Variants in CEP162 observed in about 807,000 individuals in gnomAD.
CEP162 encodes the protein centrosomal protein 162.
CEP162 carries 141 observed loss-of-function variants against 169.2 expected under a neutral mutation model. The ratio of observed to expected loss-of-function variants is 0.83; its 90% CI spans 0.73 to 0.96. CEP162 has a LOEUF of 0.96. CEP162 is among the 40% of genes least tolerant of loss of function. CEP162 has a pLI of 0.00. For synonymous variants in CEP162, 540 were observed against 526.4 expected (o/e 1.03, Z -0.35); for missense variants, 1,600 against 1,587.2 (o/e 1.01, Z -0.14).
At chr6:84,185,602 A>G (rs1051358932) in intron 12 of CEP162, among the ~76,000 whole-genome samples, 154 bp from the exon 13 acceptor site, 1 of 152,180 alleles carries the variant, frequency 6.6e-6, no homozygotes, top group Non-Finnish European at 1.5e-5. Context: ...AGTCTAATGC[A>G]TCAGAATTTT....
chr6:84,156,743 G>GACACACACACAC (rs71736099), intron 21 of CEP162, among the ~76,000 whole-genome samples: 3,603 of 125,610 alleles, frequency 0.029, 61 homozygotes, highest in Admixed American at 0.068. Flanking sequence ...GTATCAAAAA[G>GACACACACACAC]ACACACACAC....
At chr6:84,164,207 T>C (rs1405361150) in intron 18 of CEP162, among the ~76,000 whole-genome samples, 1 of 152,220 alleles carries the variant, frequency 6.6e-6, no homozygotes, top group East Asian at 1.9e-4. Flanking sequence ...CAACAGATGC[T>C]GGCAAGGATG....
intron 23 of CEP162, among the ~76,000 whole-genome samples, chr6:84,149,955 C>T (rs947001744): frequency 1.3e-5 from 2 of 152,084 alleles, no homozygotes; most frequent in African/African-American, 4.8e-5. Context: ...CTACTTTACC[C>T]CAACCTGAGG....
rs568802961 is a variant in CEP162 at position 84,169,369 on chromosome 6, G to C, written c.2344C>G (p.Gln782Glu). 2.1e-4 allele frequency: 338 copies of C among 1,583,724 alleles called. 4 individuals are homozygous for C. In the South Asian group the frequency reaches 3.7e-3, roughly 18 times the overall value. ...VVEDSEPTRN[Q>E]NFTDLLAELR... Reference sequence around the variant, plus strand: ...TCTGCTAACAGATCTGTAAAATTCTGATTTCTTGTGGGCTCTGAATCTTCA... The same window carrying C: ...TCTGCTAACAGATCTGTAAAATTCTCATTTCTTGTGGGCTCTGAATCTTCA... Residue 782 changes from glutamine to glutamate, a missense_variant, in exon 18 of 27, where the codon CAG becomes GAG. By Grantham distance (29) the Gln-to-Glu change is conservative. Coordinates refer to ENST00000403245, the MANE Select transcript of CEP162 (RefSeq NM_014895.4).
chr6:84,140,027 TTTATC>T (rs1401379485), intron 25 of CEP162, among the ~76,000 whole-genome samples: 5 of 148,728 alleles, frequency 3.4e-5, no homozygotes, highest in African/African-American at 1.3e-4. Context: ...AGGTTCACCT[TTTATC>T]TTGTTTTATG....
In CEP162 at chr6:84,136,720, GA is replaced by G. The variant is rs199615642; in HGVS notation, c.3870+9966del. Among the ~76,000 whole-genome samples, 426 of 151,812 alleles carry G rather than the reference GA, an allele frequency of 2.8e-3. 2 individuals are homozygous for G. The highest frequency in any genetic ancestry group is 3.7e-3 in the Non-Finnish European group (253 of 67,886). On this transcript the variant is annotated intron_variant, in intron 25 of 26. Transcript: ENST00000403245. Reference sequence around the variant, plus strand: ...CTCACTAAGTATTTATTAAATCAATGAAAAAAAATGCTATGAAGGTCTTATT... The same window carrying G: ...CTCACTAAGTATTTATTAAATCAATGAAAAAAATGCTATGAAGGTCTTATT...
At chr6:84,190,973 G>A (rs1451699950) in intron 11 of CEP162, among the ~76,000 whole-genome samples, 1 of 152,178 alleles carries the variant, frequency 6.6e-6, no homozygotes, top group Non-Finnish European at 1.5e-5. Context: ...AAGCCACCGT[G>A]CCCAGCCTAC....
intron 9 of CEP162, among the ~76,000 whole-genome samples, chr6:84,199,448 G>C (rs1034977414): frequency 1.3e-5 from 2 of 151,416 alleles, no homozygotes; most frequent in Admixed American, 6.6e-5. Flanking sequence ...TTTTTATCTG[G>C]TTGCTGATTA....
rs1161480347 is a variant in CEP162, at chr6:84,171,713, A to G, written c.2172T>C (p.Asn724=). The part of the protein sequence containing the change: ...ETLLQGYQQE[N]ERLYNQVKDL... ...CTTTTACTTGATTATATAATCGTTC[A>G]TTTTCCTTTTTAAAAACAGAAAACT... Residue 724 remains asparagine (N), a synonymous_variant, in exon 17 of 27, where the codon AAT becomes AAC. Coordinates refer to ENST00000403245, the MANE Select transcript of CEP162 (RefSeq NM_014895.4). 3.5e-6 allele frequency: 5 copies of G among 1,422,304 alleles called. No homozygotes were observed. Among genetic ancestry groups the G allele is most frequent in the Non-Finnish European group, 4.7e-6 (5 of 1,061,814 alleles). The allele number at this position is 1,422,304 out of a possible 1,614,324, so 88.1% of individuals were successfully genotyped here. A position where few individuals can be genotyped will look rare whatever the true frequency, so the allele number is the denominator to read the frequency against.
At position 84,206,901 on chromosome 6, in the gene CEP162, G is replaced by C. The variant is rs924649638; in HGVS notation, c.572-2805C>G. ...AAAAATCAAACAACCCCACCAAAAA[G>C]TGGGCAAAGGATATGAATAGATACT... On this transcript the variant is annotated intron_variant, in intron 6 of 26. Coordinates refer to ENST00000403245, the MANE Select transcript of CEP162 (RefSeq NM_014895.4). Among the ~76,000 whole-genome samples, 12 of 152,196 alleles carry C rather than the reference G, an allele frequency of 7.9e-5. No individual in the cohort carries two copies. In the East Asian group the frequency reaches 2.3e-3, roughly 29 times the overall value.
rs749858173 is a variant in CEP162, at chr6:84,153,107, T to C, written c.3067A>G (p.Arg1023Gly). 1.2e-6 allele frequency: 2 copies of C among 1,612,876 alleles called. No individual in the cohort carries two copies. The highest frequency in any genetic ancestry group is 1.7e-6 in the Non-Finnish European group (2 of 1,179,524). Reference protein sequence around the residue: ...ACKLNQHDSPRIKALEKELDD... With the variant: ...ACKLNQHDSPGIKALEKELDD... ...AGTTCCTTCTCTAGGGCTTTAATTCTGGGAGAGTCATGTTGATTCAATTTG... is the reference window on the plus strand; with the variant it reads ...AGTTCCTTCTCTAGGGCTTTAATTCCGGGAGAGTCATGTTGATTCAATTTG... The change falls in exon 23 of 27, where the codon AGA becomes GGA. Residue 1023 changes from arginine to glycine, a missense_variant. Arg to Gly is a moderately radical substitution (Grantham distance 125). Coordinates refer to ENST00000403245, the MANE Select transcript of CEP162 (RefSeq NM_014895.4).
At position 84,226,379 on chromosome 6, in the gene CEP162, G is replaced by T; in HGVS notation, c.15C>A (p.Ser5=). Residue 5 remains serine, a synonymous_variant, in exon 2 of 27, where the codon TCC becomes TCA. Transcript: ENST00000403245. The part of the protein sequence containing the change: MANC[S]QEELDEEFEQ... The stretch of plus-strand genomic sequence containing the variant: ...CAAACTCTTCATCTAGCTCTTCTTG[G>T]GAACAGTTAGCCATAGTCAACAATT... The T allele has an allele frequency of 1.3e-6, 2 of 1,568,826 alleles. No individual in the cohort carries two copies. The highest frequency in any genetic ancestry group is 1.7e-6 in the Non-Finnish European group (2 of 1,154,176).
chr6:84,129,679 T>C (rs1222848581), intron 25 of CEP162, among the ~76,000 whole-genome samples: 1 of 152,182 alleles, frequency 6.6e-6, no homozygotes, highest in Non-Finnish European at 1.5e-5. Context: ...TTTAATTAGA[T>C]CCCATTTGTC....
intron 3 of CEP162, among the ~76,000 whole-genome samples, chr6:84,218,494 A>G (rs998518368): frequency 1.3e-5 from 2 of 152,234 alleles, no homozygotes; most frequent in East Asian, 3.8e-4. Context: ...AAAAACTGAT[A>G]TATGGAAAAG....
At chr6:84,149,816 C>A in intron 23 of CEP162, 113 bp from the exon 24 acceptor site, 2 of 838,796 alleles carry the variant, frequency 2.4e-6, no homozygotes, top group South Asian at 2.9e-5. Context: ...GGAAAATGGG[C>A]ACCAATATTA....
chr6:84,130,510 T>C (rs1277346507), intron 25 of CEP162, among the ~76,000 whole-genome samples: 3 of 152,178 alleles, frequency 2.0e-5, no homozygotes, highest in Non-Finnish European at 4.4e-5. Flanking sequence ...GTTGGTAGGC[T>C]ATTAATTACT....
At chr6:84,147,504 A>C (rs2099519415) in intron 24 of CEP162, among the ~76,000 whole-genome samples, 1 of 152,166 alleles carries the variant, frequency 6.6e-6, no homozygotes. Context: ...ATACCAAGAC[A>C]TAAAAATGAT....
intron 25 of CEP162, among the ~76,000 whole-genome samples, chr6:84,127,228 T>C (rs537953478): frequency 6.6e-6 from 1 of 152,266 alleles, no homozygotes; most frequent in East Asian, 1.9e-4. Context: ...ATTTTGCTAA[T>C]TGTTTACATC....
At chr6:84,155,561 T>G (rs764916024) in intron 21 of CEP162, 51 bp from the exon 22 acceptor site, 6 of 1,238,834 alleles carry the variant, frequency 4.8e-6, no homozygotes, top group Non-Finnish European at 6.9e-6. Context: ...ATAAATGAAT[T>G]CAGTAAAGTT....
Sources: allele counts gnomAD v4.1 joint callset (sites outside exome capture counted in the v4.1 genomes callset), GRCh38; gene constraint gnomAD v4.1.1; transcripts MANE v1.5; gene names NCBI Gene and HGNC (gene_info 2026-07-23, HGNC 2026-07-21).